Variants in ANKRD36 observed in about 807,000 individuals in gnomAD.
ANKRD36 encodes the protein ankyrin repeat domain-containing protein 36A.
Under a neutral mutation model 278.1 loss-of-function variants are expected in ANKRD36, and 179 were observed. That is an observed-to-expected ratio of 0.64 (90% CI 0.57 to 0.73). The LOEUF (loss-of-function observed/expected upper bound fraction) is 0.73. Ranked by LOEUF, ANKRD36 falls within the 30% of genes least tolerant of loss-of-function variation. The pLI is 0.00. For synonymous variants in ANKRD36, 320 were observed against 641.1 expected, an observed-to-expected ratio of 0.50 and a Z score of 7.57; for missense variants, 1,159 against 1,956.7, an observed-to-expected ratio of 0.59 and a Z score of 7.69.
chr2:97,202,257 A>C, intron 47 of ANKRD36, 27 bp downstream of exon 47: 1 of 1,607,786 alleles, frequency 6.2e-7, no homozygotes, highest in Non-Finnish European at 8.5e-7. Flanking sequence ...TTATCTTGTG[A>C]ACGAGTTAAT....
At chr2:97,192,525 TC>T (rs1288031739) in intron 36 of ANKRD36, among the ~76,000 whole-genome samples, 6 of 151,916 alleles carry the variant, frequency 3.9e-5, no homozygotes, top group African/African-American at 1.4e-4. Context: ...TGACATTCAT[TC>T]TCAGGTGTAT....
intron 30 of ANKRD36, among the ~76,000 whole-genome samples, chr2:97,186,249 T>C (rs1437483436): frequency 6.6e-6 from 1 of 151,174 alleles, no homozygotes; most frequent in Non-Finnish European, 1.5e-5. Context: ...TATCAGTACA[T>C]TGGCTTCTTT....
intron 67 of ANKRD36, among the ~76,000 whole-genome samples, chr2:97,230,526 G>T (rs539607663): frequency 6.6e-6 from 1 of 152,158 alleles, no homozygotes; most frequent in African/African-American, 2.4e-5. Context: ...GGTTATTCTA[G>T]GTATACATTC....
In ANKRD36 at chr2:97,121,274, C is replaced by T. The variant is rs867714430; in HGVS notation, c.487-1613C>T. On this transcript the variant is annotated intron_variant, in intron 3 of 75. Transcript: ENST00000420699. The stretch of plus-strand genomic sequence containing the variant: ...TGCATGTAAGCTTTTTAAGGTGAAT[C>T]ATGGTATGGTTGCATAGGTTATGCA... Among the ~76,000 whole-genome samples the T allele has an allele frequency of 2.0e-5, 3 of 151,976 alleles. No individual in the cohort carries two copies. In the South Asian group the frequency reaches 6.3e-4, roughly 32 times the overall value.
At chr2:97,250,464 C>T (rs1284724457) in intron 75 of ANKRD36, among the ~76,000 whole-genome samples, 21 of 131,526 alleles carry the variant, frequency 1.6e-4, no homozygotes, top group Admixed American at 3.3e-4. Context: ...GACTATCAGC[C>T]TGCACACTGA....
intron 11 of ANKRD36, among the ~76,000 whole-genome samples, chr2:97,147,054 G>A (rs953628715): frequency 5.9e-5 from 9 of 151,718 alleles, no homozygotes; most frequent in Non-Finnish European, 1.3e-4. Flanking sequence ...CCACAAGACC[G>A]TAAGTTTTTT....
intron 6 of ANKRD36, among the ~76,000 whole-genome samples, chr2:97,141,043 G>T (rs2042772629): frequency 6.6e-6 from 1 of 151,684 alleles, no homozygotes; most frequent in African/African-American, 2.4e-5. Context: ...TTGGGATGCA[G>T]CTTAATCTAG....
chr2:97,140,613 A>G lies in ANKRD36; in HGVS notation c.800-2027A>G. Among the ~76,000 whole-genome samples, 2 of 152,030 alleles carry G rather than the reference A, an allele frequency of 1.3e-5. 1 individual carries two copies. Among genetic ancestry groups the G allele is most frequent in the Non-Finnish European group, 2.9e-5 (2 of 67,992 alleles). The stretch of plus-strand genomic sequence containing the variant: ...ACAGCTGTGAAAGAGTGTCTATGGG[A>G]GAGAGGAAGCCATGGGGCTGCTTTT... On this transcript the variant is annotated intron_variant, in intron 6 of 75. Coordinates refer to ENST00000420699, the MANE Select transcript of ANKRD36 (RefSeq NM_001354587.1).
chr2:97,204,465 C>T (rs772501052), intron 50 of ANKRD36, among the ~76,000 whole-genome samples: 4 of 151,566 alleles, frequency 2.6e-5, no homozygotes, highest in African/African-American at 9.7e-5. Flanking sequence ...ATACACTTCC[C>T]CACATTGAAA....
intron 18 of ANKRD36, 119 bp from the exon 19 acceptor site, chr2:97,164,164 A>G: frequency 6.7e-7 from 1 of 1,489,534 alleles, no homozygotes; most frequent in Non-Finnish European, 8.9e-7. Flanking sequence ...CCAAAGCCTA[A>G]TGGGTAACAA....
At chr2:97,151,232 G>A (rs1174320442) in intron 12 of ANKRD36, among the ~76,000 whole-genome samples, 3 of 151,688 alleles carry the variant, frequency 2.0e-5, no homozygotes, top group Non-Finnish European at 4.4e-5. Context: ...TGTTTCTATT[G>A]TCAGGATACT....
At chr2:97,162,968 A>AT (rs1182008349) in intron 18 of ANKRD36, among the ~76,000 whole-genome samples, 1 of 152,170 alleles carries the variant, frequency 6.6e-6, no homozygotes, top group Non-Finnish European at 1.5e-5. Flanking sequence ...AAATATTTTG[A>AT]TAGGTAAAAG....
chr2:97,228,994 C>T (rs1486829051), intron 67 of ANKRD36, among the ~76,000 whole-genome samples: 8 of 152,130 alleles, frequency 5.3e-5, no homozygotes, highest in Admixed American at 3.3e-4. Context: ...GCACTGTGGT[C>T]TGACAGACAC....
intron 50 of ANKRD36, among the ~76,000 whole-genome samples, chr2:97,204,700 A>T (rs1438220586): frequency 4.0e-5 from 6 of 151,744 alleles, no homozygotes; most frequent in East Asian, 2.0e-4. Flanking sequence ...GTGTAGCAAC[A>T]GTTTTCCTAA....
chr2:97,197,995 A>G (rs1356293709), intron 42 of ANKRD36, among the ~76,000 whole-genome samples: 1 of 151,882 alleles, frequency 6.6e-6, no homozygotes, highest in Non-Finnish European at 1.5e-5. Flanking sequence ...CTGAATTGTC[A>G]TCGTAATTGT....
chr2:97,139,762 CAT>C (rs777701243), intron 6 of ANKRD36, among the ~76,000 whole-genome samples: 25 of 152,162 alleles, frequency 1.6e-4, no homozygotes, highest in Non-Finnish European at 2.8e-4. Context: ...GTATTTTTGA[CAT>C]GTCATGACCC....
At chr2:97,153,351 AG>A (rs768006575) in intron 14 of ANKRD36, among the ~76,000 whole-genome samples, 2 of 152,152 alleles carry the variant, frequency 1.3e-5, no homozygotes, top group South Asian at 2.1e-4. Context: ...TGCTTTTCTA[AG>A]GGTTTATGAT....
chr2:97,198,407 T>A, intron 42 of ANKRD36, 56 bp from the exon 43 acceptor site: 1 of 1,556,062 alleles, frequency 6.4e-7, no homozygotes. Flanking sequence ...TATGAATGTA[T>A]GGATAATTTT....
intron 36 of ANKRD36, among the ~76,000 whole-genome samples, chr2:97,192,288 A>G (rs1464103712): frequency 1.3e-5 from 2 of 151,770 alleles, no homozygotes; most frequent in Non-Finnish European, 2.9e-5. Context: ...GTGAGAGATA[A>G]TGAATATTAT....
Sources: allele counts gnomAD v4.1 joint callset (sites outside exome capture counted in the v4.1 genomes callset), GRCh38; gene constraint gnomAD v4.1.1; transcripts MANE v1.5; gene names NCBI Gene and HGNC (gene_info 2026-07-23, HGNC 2026-07-21).